The following CARS2 variants were observed in gnomAD, a reference collection of about 807,000 sequenced individuals.
CARS2 encodes the protein cysteinyl-tRNA synthetase 2, mitochondrial, also known as probable cysteine--tRNA ligase, mitochondrial.
Under a neutral mutation model 68.8 loss-of-function variants are expected in CARS2, and 52 were observed. That is an observed-to-expected ratio of 0.76 (90% confidence interval 0.61 to 0.95). The LOEUF is 0.95. Among genes scored for constraint, CARS2 ranks in the 40% least tolerant of loss-of-function variants. CARS2 has a pLI of 0.00. For synonymous variants in CARS2, 314 were observed against 303.6 expected, an observed-to-expected ratio of 1.03 and a Z score of -0.36; for missense variants, 780 against 754.2, an observed-to-expected ratio of 1.03 and a Z score of -0.40.
chr13:110,713,184 T>C, exon 1 of CARS2: 1 of 1,426,532 alleles, frequency 7.0e-7, no homozygotes, highest in Non-Finnish European at 9.1e-7. Flanking sequence ...AAAGTGATGT[T>C]GGCAAGTAGA....
At chr13:110,682,430 A>G (rs994894720) in intron 6 of CARS2, among the ~76,000 whole-genome samples, 2 of 152,202 alleles carry the variant, frequency 1.3e-5, no homozygotes, top group Non-Finnish European at 2.9e-5. Flanking sequence ...GATGGTTAGG[A>G]TTCATTGGCA....
At chr13:110,667,128 T>C (rs562890653) in intron 8 of CARS2, among the ~76,000 whole-genome samples, 1 of 152,378 alleles carries the variant, frequency 6.6e-6, no homozygotes, top group African/African-American at 2.4e-5. Flanking sequence ...ACATTTTCCA[T>C]ATTCTAGTCA....
rs935700574 is a variant in CARS2, at chr13:110,668,093, T to G, written c.786-620A>C. On this transcript the variant is annotated intron_variant, in intron 7 of 14. Transcript: ENST00000257347. The surrounding 1 kb of genome is among the most constrained non-coding windows in gnomAD (Gnocchi z 4.1). ...AGGCCGGTGGATTTTCTTAAAATGA[T>G]AGATAGAGAAATTTCTAAGGTGCCA... Among the ~76,000 whole-genome samples, 1 of 152,128 alleles carries G rather than the reference T, an allele frequency of 6.6e-6. No individual in the cohort carries two copies. The highest frequency in any genetic ancestry group is 1.5e-5 in the Non-Finnish European group (1 of 68,024).
chr13:110,685,074 T>A (rs2139846844), intron 5 of CARS2, among the ~76,000 whole-genome samples: 1 of 152,322 alleles, frequency 6.6e-6, no homozygotes, highest in East Asian at 1.9e-4. Context: ...TTTATCACTT[T>A]ATTCCTAAAA....
intron 3 of CARS2, among the ~76,000 whole-genome samples, chr13:110,698,446 G>C (rs571919082): frequency 6.6e-6 from 1 of 152,050 alleles, no homozygotes; most frequent in Admixed American, 6.5e-5. Context: ...CCTGACCCCG[G>C]GATGTGGAGG....
chr13:110,713,114 A>G, intron 1 of CARS2: 1 of 1,435,984 alleles, frequency 7.0e-7, no homozygotes, highest in African/African-American at 1.4e-5. Context: ...TCTAGTAGTA[A>G]GAGTCCGGGG....
At chr13:110,660,004 C>T (rs551061220) in intron 9 of CARS2, among the ~76,000 whole-genome samples, 3 of 152,360 alleles carry the variant, frequency 2.0e-5, no homozygotes, top group African/African-American at 7.2e-5. Context: ...TCCTCTCAAA[C>T]CCTGCCATTG....
chr13:110,709,673 G>C (rs975082645), upstream of CARS2, among the ~76,000 whole-genome samples: 3 of 152,066 alleles, frequency 2.0e-5, no homozygotes, highest in Non-Finnish European at 4.4e-5. Flanking sequence ...CTTGCGGACA[G>C]TCTATTGTGG....
chr13:110,666,685 T>G lies in CARS2; in HGVS notation c.919+655A>C, dbSNP rs1172212649. ...AAGGACTTCAAAAGATAGTATTTGT[T>G]AATTTTCTGTATTTTAGATGTCGAA... On this transcript the variant is annotated intron_variant, in intron 8 of 14. Transcript: ENST00000257347. 5.1e-6 allele frequency: 5 copies of G among 985,358 alleles called. No homozygotes were observed. The African/African-American group carries it at 8.7e-5, about 17-fold the overall frequency. 61.0% of individuals were successfully genotyped at this position (985,358 alleles called of 1,614,324 possible).
At chr13:110,651,266 G>A (rs1237478024) in intron 9 of CARS2, 166 bp from the exon 10 acceptor site, 2 of 557,088 alleles carry the variant, frequency 3.6e-6, no homozygotes, top group East Asian at 6.5e-5. Context: ...CCTGTTTCCT[G>A]GTGATTTCCT....
chr13:110,666,307 T>C lies in CARS2; in HGVS notation c.919+1033A>G, dbSNP rs2062646230. The C allele has an allele frequency of 4.1e-6, 4 of 985,228 alleles. No homozygotes were observed. In the South Asian group the frequency reaches 1.9e-4, roughly 46 times the overall value. 61.0% of individuals were successfully genotyped at this position (985,228 alleles called of 1,614,324 possible). On this transcript the variant is annotated intron_variant, in intron 8 of 14. Transcript: ENST00000257347. ...TCCACCGACACCGGAATAAAGTGGA[T>C]TTCAGCTAGTGCTGAGCCCTCCCCA...
chr13:110,708,739 CATTTTT>C (rs200495419), upstream of CARS2, among the ~76,000 whole-genome samples: 1,874 of 151,486 alleles, frequency 0.012, 35 homozygotes, highest in African/African-American at 0.042. Flanking sequence ...CTAATTTTTG[CATTTTT>C]ATTTTTATTT....
rs2063914052 is a variant in CARS2, at chr13:110,705,524, G to T, written c.272C>A (p.Ala91Asp). The change falls in exon 2 of 15, where the codon GCT (alanine) becomes GAT (aspartate). Residue 91 changes from alanine (A) to aspartate (D), a missense_variant. Transcript: ENST00000257347. This position sits in a 1 kb window ranked among gnomAD's most constrained non-coding sequence, Gnocchi z 4.0. Reference protein sequence around the residue: ...TVYDHAHLGHACSYVRFDIIR... With the variant: ...TVYDHAHLGHDCSYVRFDIIR... ...AATTCAAATCCAGGAAACTCACCAA[G>T]CATGGCCAAGGTGCGCATGATCATA... 2 of 1,594,922 alleles carry T rather than the reference G, an allele frequency of 1.3e-6. No individual in the cohort carries two copies. The highest frequency in any genetic ancestry group is 3.5e-5 in the Admixed American group (2 of 56,706).
chr13:110,646,468 C>T (rs568488086), intron 11 of CARS2: 183 of 172,420 alleles, frequency 1.1e-3, no homozygotes, highest in African/African-American at 4.0e-3. Flanking sequence ...GCCCGGGGCT[C>T]CCGGATCTCA....
At chr13:110,687,697 A>AG (rs1566322636) in intron 5 of CARS2, 24 bp downstream of exon 5, 1 of 1,462,832 alleles carries the variant, frequency 6.8e-7, no homozygotes, top group Admixed American at 2.1e-5. Flanking sequence ...AAAAAGAAAA[A>AG]AAAAAAAAGA....
At chr13:110,682,368 G>A (rs1198009827) in intron 6 of CARS2, among the ~76,000 whole-genome samples, 2 of 152,186 alleles carry the variant, frequency 1.3e-5, no homozygotes, top group Non-Finnish European at 2.9e-5. Context: ...GCGGGGAGCG[G>A]GACAGGGCAC....
In CARS2 at chr13:110,654,033, G is replaced by A. The variant is rs555346509; in HGVS notation, c.988-2933C>T. Among the ~76,000 whole-genome samples, 7 of 152,302 alleles carry A rather than the reference G, an allele frequency of 4.6e-5. No individual in the cohort carries two copies. In the South Asian group the frequency reaches 1.4e-3, roughly 32 times the overall value. On this transcript the variant is annotated intron_variant, in intron 9 of 14. Coordinates refer to ENST00000257347, the MANE Select transcript of CARS2 (RefSeq NM_024537.4). ...CAATCTCCCAGAGCCCAGGCCGGAGGACCGGATTGGCCTTCAGGTGGGGAT... is the reference window on the plus strand; with the variant it reads ...CAATCTCCCAGAGCCCAGGCCGGAGAACCGGATTGGCCTTCAGGTGGGGAT...
intron 1 of CARS2, chr13:110,713,068 C>G: frequency 2.1e-6 from 3 of 1,448,356 alleles, no homozygotes; most frequent in Non-Finnish European, 2.7e-6. Flanking sequence ...CGTGCCCGGC[C>G]CTCCCCTTCC....
intron 8 of CARS2, 69 bp from the exon 9 acceptor site, chr13:110,663,587 C>T (rs1437471128): frequency 6.3e-6 from 10 of 1,584,884 alleles, no homozygotes; most frequent in African/African-American, 1.4e-5. Context: ...GGACACATGG[C>T]TCCCCAGGAA....
Sources: gnomAD v4.1 joint callset for allele counts (sites outside exome capture counted in the v4.1 genomes callset) on GRCh38, gnomAD v4.1.1 for gene constraint, Gnocchi (gnomAD v3.1) non-coding constraint, MANE v1.5 for transcripts, NCBI Gene and HGNC (gene_info 2026-07-23, HGNC 2026-07-21) for gene names.